Variants in PDXK observed in about 807,000 individuals in gnomAD.
The protein encoded by PDXK is epididymis secretory sperm binding protein Li 1a.
Under a neutral mutation model 43.2 loss-of-function variants are expected in PDXK, and 15 were observed. The ratio of observed to expected loss-of-function variants is 0.35; its 90% confidence interval spans 0.23 to 0.53. The LOEUF is 0.53. Ranked by LOEUF, PDXK falls within the 20% of genes least tolerant of loss-of-function variation. The pLI, the probability that PDXK is intolerant of heterozygous loss-of-function variation, is 0.92. For missense variants in PDXK, 343 were observed against 417.0 expected (o/e 0.82, Z 1.54); for synonymous variants, 172 against 165.4 (o/e 1.04, Z -0.31).
At position 43,752,645 on chromosome 21, in the gene PDXK, G is replaced by A. The variant is rs377024628; in HGVS notation, c.622+16G>A. ...CAGAGGAGGAGTAAGTGCCCCCATC[G>A]TGCACCGTGGCCGCCTCTGCTCTTC... On this transcript the variant is annotated intron_variant, in intron 8 of 10. Coordinates refer to ENST00000291565, the MANE Select transcript of PDXK (RefSeq NM_003681.5). The A allele has an allele frequency of 1.8e-4, 263 of 1,478,834 alleles. 1 individual carries two copies. Among genetic ancestry groups the A allele is most frequent in the Middle Eastern group, 3.4e-4 (2 of 5,852 alleles). The allele number at this position is 1,478,834 out of a possible 1,614,324, so 91.6% of individuals were successfully genotyped here.
At chr21:43,750,844 GTGTGCACATGTGCATGTGCGTC>G (rs965419111) in intron 7 of PDXK, among the ~76,000 whole-genome samples, 8 of 150,646 alleles carry the variant, frequency 5.3e-5, no homozygotes, top group Non-Finnish European at 1.2e-4. Flanking sequence ...GCACGTGTGT[GTGTGCACATGTGCATGTGCGTC>G]TGTGTGCATG....
intron 9 of PDXK, chr21:43,755,430 A>C (rs769696470): frequency 2.2e-5 from 11 of 508,200 alleles, no homozygotes; most frequent in Non-Finnish European, 3.2e-5. Flanking sequence ...AGTTCTATGC[A>C]GGTCACGAGG....
Position 43,728,829 on chromosome 21 carries a change from C to G in PDXK, c.88-5240C>G, listed in dbSNP as rs1414965125. 3.0e-6 allele frequency: 3 copies of G among 985,506 alleles called. No homozygotes were observed. The African/African-American group carries it at 5.2e-5, about 17-fold the overall frequency. The allele number at this position is 985,506 out of a possible 1,614,324, so 61.0% of individuals were successfully genotyped here. A position where few individuals can be genotyped will look rare whatever the true frequency, so the allele number is the denominator to read the frequency against. On this transcript the variant is annotated intron_variant, in intron 1 of 10. Coordinates refer to ENST00000291565, the MANE Select transcript of PDXK (RefSeq NM_003681.5). ...GAGCTCCTGCGGTCCAGCCGGATGA[C>G]TGATGAGGTTGAAAGCACTTCCGCT...
Position 43,734,766 on chromosome 21 carries a change from T to C in PDXK, c.142+643T>C, listed in dbSNP as rs756433609. On this transcript the variant is annotated intron_variant, in intron 2 of 10. Coordinates refer to ENST00000291565, the MANE Select transcript of PDXK (RefSeq NM_003681.5). The surrounding 1 kb of genome is among the most constrained non-coding windows in gnomAD (Gnocchi z 5.0). ...TGCCCCCAGCCCCATGGCCTGGGGG[T>C]GGAGGTGCGTGGAGTCCCCCCTCCT... 5.9e-5 allele frequency among the ~76,000 whole-genome samples: 9 copies of C among 151,640 alleles called. No homozygotes were observed. Among genetic ancestry groups the C allele is most frequent in the Non-Finnish European group, 1.2e-4 (8 of 67,878 alleles).
chr21:43,745,927 A>G, intron 4 of PDXK, 152 bp from the exon 5 acceptor site: 2 of 676,838 alleles, frequency 3.0e-6, no homozygotes, highest in Non-Finnish European at 5.5e-6. Context: ...AGCCTGGAAG[A>G]TCGAGGTTGC....
At position 43,737,978 on chromosome 21, in the gene PDXK, T is replaced by C. The variant is rs1479337933; in HGVS notation, c.143-3689T>C. 1 of 985,272 alleles carries C rather than the reference T, an allele frequency of 1.0e-6. No individual in the cohort carries two copies. The highest frequency in any genetic ancestry group is 1.7e-5 in the African/African-American group (1 of 57,210). The allele number at this position is 985,272 out of a possible 1,614,324, so 61.0% of individuals were successfully genotyped here. A position where few individuals can be genotyped will look rare whatever the true frequency, so the allele number is the denominator to read the frequency against. On this transcript the variant is annotated intron_variant, in intron 2 of 10. Transcript: ENST00000291565. The surrounding 1 kb of genome is among the most constrained non-coding windows in gnomAD (Gnocchi z 4.8). ...GAGGTGCAAGACCATGCCCTCTGTT[T>C]CGATAGGAAGCTGGGCCTCAGAGGG...
At chr21:43,747,578 G>A (rs1157731721) in intron 5 of PDXK, among the ~76,000 whole-genome samples, 5 of 152,204 alleles carry the variant, frequency 3.3e-5, no homozygotes, top group Non-Finnish European at 5.9e-5. Context: ...TCTCTGGAAG[G>A]TTCCCTGTCC....
At chr21:43,722,110 T>C (rs2147200485) in intron 1 of PDXK, among the ~76,000 whole-genome samples, 1 of 152,296 alleles carries the variant, frequency 6.6e-6, no homozygotes, top group Non-Finnish European at 1.5e-5. Context: ...AGACAGGCCA[T>C]GGGATGCACC....
intron 6 of PDXK, among the ~76,000 whole-genome samples, chr21:43,750,155 C>T (rs1207956135): frequency 6.6e-6 from 1 of 152,240 alleles, no homozygotes; most frequent in South Asian, 2.1e-4. Context: ...GTGCATTAAT[C>T]GCTAGCGGCT....
In PDXK at chr21:43,760,812, C is replaced by T. The variant is rs2083922040; in HGVS notation, c.*4749C>T. Reference sequence around the variant, plus strand: ...AAGCCACTGCCCGGGCATCCCATCACCCACCAGGGTGCACGGTCTCTCCTG... The same window carrying T: ...AAGCCACTGCCCGGGCATCCCATCATCCACCAGGGTGCACGGTCTCTCCTG... On this transcript the variant is annotated 3_prime_UTR_variant, in exon 11 of 11. Transcript: ENST00000291565. 6.6e-6 allele frequency: 1 copy of T among 152,264 alleles called. No individual in the cohort carries two copies. The highest frequency in any genetic ancestry group is 1.5e-5 in the Non-Finnish European group (1 of 68,076). The allele number at this position is 152,264 out of a possible 1,614,324, so 9.4% of individuals were successfully genotyped here. A position where few individuals can be genotyped will look rare whatever the true frequency, so the allele number is the denominator to read the frequency against.
intron 4 of PDXK, among the ~76,000 whole-genome samples, 177 bp downstream of exon 4, chr21:43,743,984 C>T (rs937638507): frequency 2.3e-4 from 35 of 152,328 alleles, no homozygotes; most frequent in African/African-American, 7.2e-4. Context: ...CTGCTGAAGT[C>T]CGCTGGGCTA....
At chr21:43,719,430 T>G in intron 1 of PDXK, 49 bp downstream of exon 1, 1 of 1,471,094 alleles carries the variant, frequency 6.8e-7, no homozygotes, top group Non-Finnish European at 9.1e-7. Context: ...GCCCGTGACC[T>G]TGGCGGGGCT....
rs1384553618 is a variant in PDXK, at chr21:43,754,791, G to A, written c.760-907G>A. Among the ~76,000 whole-genome samples the A allele has an allele frequency of 2.6e-5, 4 of 152,156 alleles. No homozygotes were observed. The highest frequency in any genetic ancestry group is 1.5e-5 in the Non-Finnish European group (1 of 68,018). On this transcript the variant is annotated intron_variant, in intron 9 of 10. Coordinates refer to ENST00000291565, the MANE Select transcript of PDXK (RefSeq NM_003681.5). The surrounding 1 kb of genome is among the most constrained non-coding windows in gnomAD (Gnocchi z 5.5). The stretch of plus-strand genomic sequence containing the variant: ...ACCTGCAGGTGGCTCTCCCTGTGCT[G>A]TCTTTGCCGGGCCGCTTAAGGGGCC...
intron 7 of PDXK, among the ~76,000 whole-genome samples, chr21:43,751,346 C>T (rs2083747846): frequency 1.3e-5 from 2 of 152,098 alleles, no homozygotes; most frequent in Admixed American, 6.6e-5. Flanking sequence ...GTCAGGAGTT[C>T]GAGACCAGCC....
chr21:43,721,871 C>T (rs1329149203), intron 1 of PDXK: 4 of 152,350 alleles, frequency 2.6e-5, no homozygotes, highest in African/African-American at 9.7e-5. Context: ...AACCTTGAGC[C>T]TGTGTTTGGA....
At chr21:43,728,271 G>A (rs1215417388) in intron 1 of PDXK, among the ~76,000 whole-genome samples, 1 of 152,170 alleles carries the variant, frequency 6.6e-6, no homozygotes, top group Non-Finnish European at 1.5e-5. Context: ...TGGGAGGGAC[G>A]CGGGGTGCTT....
Position 43,755,875 on chromosome 21 carries a change from C to T in PDXK, c.827-76C>T, listed in dbSNP as rs1168646453. 7 of 1,433,036 alleles carry T rather than the reference C, an allele frequency of 4.9e-6. No individual in the cohort carries two copies. The East Asian group carries it at 9.1e-5, about 19-fold the overall frequency. 88.8% of individuals were successfully genotyped at this position (1,433,036 alleles called of 1,614,324 possible). On this transcript the variant is annotated intron_variant, in intron 10 of 10. Coordinates refer to ENST00000291565, the MANE Select transcript of PDXK (RefSeq NM_003681.5). ...AGGTGTGATCGGTGTCTCCTGCTGA[C>T]CTCACCTCTGGGAGTGGGGGCAACA...
chr21:43,726,970 T>A (rs1054390150), intron 1 of PDXK, among the ~76,000 whole-genome samples: 1 of 152,076 alleles, frequency 6.6e-6, no homozygotes, highest in African/African-American at 2.4e-5. Flanking sequence ...TGGGCATGCA[T>A]GCGTGTGTCA....
Position 43,732,501 on chromosome 21 carries a change from G to A in PDXK, c.88-1568G>A, listed in dbSNP as rs190069684. On this transcript the variant is annotated intron_variant, in intron 1 of 10. Transcript: ENST00000291565. The surrounding 1 kb of genome is among the most constrained non-coding windows in gnomAD (Gnocchi z 4.1). The stretch of plus-strand genomic sequence containing the variant: ...AGCTTGCTCGTGCTCTCATTTAAAA[G>A]CAGAAAATAGCGACTTCATTCTCGG... 0.033 allele frequency: 47,605 copies of A among 1,447,828 alleles called. 955 individuals are homozygous for A. The highest frequency in any genetic ancestry group is 0.047 in the Middle Eastern group (273 of 5,776). 89.7% of individuals were successfully genotyped at this position (1,447,828 alleles called of 1,614,324 possible).
Sources: allele counts gnomAD v4.1 joint callset (sites outside exome capture counted in the v4.1 genomes callset), GRCh38; gene constraint gnomAD v4.1.1; non-coding constraint Gnocchi (gnomAD v3.1); transcripts MANE v1.5; gene names NCBI Gene and HGNC (gene_info 2026-07-23, HGNC 2026-07-21).